The following AOAH variants were observed in gnomAD, a reference collection of about 807,000 sequenced individuals.
AOAH encodes the protein acyloxyacyl hydrolase (neutrophil).
AOAH carries 64 observed loss-of-function variants against 92.2 expected under a neutral mutation model. The ratio of observed to expected loss-of-function variants is 0.69; its 90% CI spans 0.57 to 0.86. AOAH has a LOEUF of 0.86. AOAH is among the 40% of genes least tolerant of loss of function. AOAH has a pLI of 0.00. For missense variants in AOAH, 656 were observed against 694.6 expected, an observed-to-expected ratio of 0.94 and a Z score of 0.62; for synonymous variants, 263 against 254.5, an observed-to-expected ratio of 1.03 and a Z score of -0.32.
chr7:36,630,210 G>C (rs1051152139), intron 6 of AOAH, among the ~76,000 whole-genome samples: 1 of 152,182 alleles, frequency 6.6e-6, no homozygotes, highest in Non-Finnish European at 1.5e-5. Flanking sequence ...AACTGAGAGA[G>C]AATTAATTTC....
intron 6 of AOAH, among the ~76,000 whole-genome samples, chr7:36,624,269 G>A (rs1180958763): frequency 6.6e-6 from 1 of 152,194 alleles, no homozygotes; most frequent in African/African-American, 2.4e-5. Flanking sequence ...GCAAGATGAG[G>A]CTTTCTTTGG....
chr7:36,526,881 G>A (rs1784421630), intron 19 of AOAH, among the ~76,000 whole-genome samples: 1 of 152,176 alleles, frequency 6.6e-6, no homozygotes, highest in African/African-American at 2.4e-5. Context: ...AAAGTCATTG[G>A]CTGATTTTAC....
intron 20 of AOAH, among the ~76,000 whole-genome samples, chr7:36,515,358 ACACACACAC>A (rs1783569125): frequency 8.6e-5 from 4 of 46,758 alleles, no homozygotes; most frequent in Admixed American, 3.0e-4. Flanking sequence ...ACACACCCCC[ACACACACAC>A]CACACACACC....
At chr7:36,711,673 G>A (rs1798776986) in intron 1 of AOAH, among the ~76,000 whole-genome samples, 1 of 152,206 alleles carries the variant, frequency 6.6e-6, no homozygotes, top group Non-Finnish European at 1.5e-5. Flanking sequence ...ACGGTAAAGG[G>A]CACGTGCAGA....
chr7:36,563,481 C>A lies in AOAH; in HGVS notation c.1021+13093G>T, dbSNP rs1225015455. Among the ~76,000 whole-genome samples, 5 of 152,130 alleles carry A rather than the reference C, an allele frequency of 3.3e-5. No homozygotes were observed. In the South Asian group the frequency reaches 8.3e-4, roughly 25 times the overall value. ...TGGTGGCCCTAATTCTGATTTTCTT[C>A]TTCACTTGGCCTGCTATTTAATTTC... On this transcript the variant is annotated intron_variant, in intron 13 of 20. Transcript: ENST00000617537.
At chr7:36,672,585 A>G (rs1246722419) in intron 3 of AOAH, among the ~76,000 whole-genome samples, 1 of 152,162 alleles carries the variant, frequency 6.6e-6, no homozygotes, top group Non-Finnish European at 1.5e-5. Context: ...ACACATGGAC[A>G]CAGGGAGGGG....
rs529965966 is a variant in AOAH at position 36,566,628 on chromosome 7, T to C, written c.1021+9946A>G. ...GCACCAGGGAAAAGCCAGCTCCCAA[T>C]AGATAGAAAACACCTGAAGCTGGTG... On this transcript the variant is annotated intron_variant, in intron 13 of 20. Coordinates refer to ENST00000617537, the MANE Select transcript of AOAH (RefSeq NM_001637.4). Among the ~76,000 whole-genome samples the C allele has an allele frequency of 4.6e-5, 7 of 152,148 alleles. No homozygotes were observed. The East Asian group carries it at 1.4e-3, about 29-fold the overall frequency.
chr7:36,530,299 C>T, intron 19 of AOAH, 119 bp downstream of exon 19: 1 of 672,270 alleles, frequency 1.5e-6, no homozygotes, highest in South Asian at 1.8e-5. Flanking sequence ...TCAGAATAGG[C>T]AGGAGTAACC....
At position 36,620,657 on chromosome 7, in the gene AOAH, C is replaced by A. The variant is rs2727820; in HGVS notation, c.702+124G>T. ...GATTCTATACCCCTCTTCTAAGCAGCAGGAAAAGAGTTGCTTTAGGCTGTC... is the reference window on the plus strand; with the variant it reads ...GATTCTATACCCCTCTTCTAAGCAGAAGGAAAAGAGTTGCTTTAGGCTGTC... On this transcript the variant is annotated intron_variant, in intron 9 of 20. Transcript: ENST00000617537. The A allele has an allele frequency of 2.9e-3, 2,393 of 822,534 alleles. 49 individuals are homozygous for A. The African/African-American group carries it at 0.036, about 12-fold the overall frequency. The allele number at this position is 822,534 out of a possible 1,614,324, so 51.0% of individuals were successfully genotyped here.
rs774886556 is a variant in AOAH, at chr7:36,532,344, C to A, written c.1307G>T (p.Gly436Val). 3.7e-5 allele frequency: 60 copies of A among 1,613,558 alleles called. No individual in the cohort carries two copies. Among genetic ancestry groups the A allele is most frequent in the Non-Finnish European group, 5.1e-5 (60 of 1,180,020 alleles). ...ATAGGTCATGTCTTTATTTAGCTGGCCTGGAAAACAGAGAGGTCTGGTAGA... is the reference window on the plus strand; with the variant it reads ...ATAGGTCATGTCTTTATTTAGCTGGACTGGAAAACAGAGAGGTCTGGTAGA... Reference protein sequence around the residue: ...DNLHNRYHPLGQLNKDMTYAQ... With the variant: ...DNLHNRYHPLVQLNKDMTYAQ... Residue 436 changes from glycine to valine, a missense_variant and splice_region_variant, in exon 17 of 21, where the codon GGC (glycine) becomes GTC (valine). Physicochemically the swap from Gly to Val is moderately radical, Grantham distance 109 (BLOSUM62 -3). Transcript: ENST00000617537.
chr7:36,526,540 G>C (rs1474510681), intron 19 of AOAH, among the ~76,000 whole-genome samples: 1 of 152,160 alleles, frequency 6.6e-6, no homozygotes, highest in Non-Finnish European at 1.5e-5. Flanking sequence ...AAGATAACAT[G>C]GTAAGTTGGT....
intron 15 of AOAH, among the ~76,000 whole-genome samples, chr7:36,542,004 T>C (rs1197357373): frequency 6.6e-6 from 1 of 152,174 alleles, no homozygotes; most frequent in Non-Finnish European, 1.5e-5. Flanking sequence ...CTAATGATAG[T>C]GGGTTAAATA....
At chr7:36,513,492 C>T (rs928605707) in intron 20 of AOAH, 112 bp from the exon 21 acceptor site, 5 of 1,014,834 alleles carry the variant, frequency 4.9e-6, no homozygotes, top group South Asian at 3.1e-5. Context: ...GGCCCCATGA[C>T]TCCCACCCCC....
At chr7:36,548,019 A>G (rs1342765749) in intron 15 of AOAH, among the ~76,000 whole-genome samples, 1 of 152,148 alleles carries the variant, frequency 6.6e-6, no homozygotes, top group East Asian at 1.9e-4. Flanking sequence ...AAAAAAAATC[A>G]CAATTCCCAA....
rs1791710508 is a variant in AOAH at position 36,614,463 on chromosome 7, G to C, written c.846+1917C>G. 6.6e-6 allele frequency among the ~76,000 whole-genome samples: 1 copy of C among 151,998 alleles called. No individual in the cohort carries two copies. The highest frequency in any genetic ancestry group is 1.5e-5 in the Non-Finnish European group (1 of 68,014). On this transcript the variant is annotated intron_variant, in intron 11 of 20. Transcript: ENST00000617537. The surrounding 1 kb of genome is among the most constrained non-coding windows in gnomAD (Gnocchi z 4.2). Reference sequence around the variant, plus strand: ...TTTTGAATTTGTGTTTGTTATGTGAGTGAAGTCCAGTGGGCCAACTGAGCA... The same window carrying C: ...TTTTGAATTTGTGTTTGTTATGTGACTGAAGTCCAGTGGGCCAACTGAGCA...
rs192643570 is a variant in AOAH at position 36,516,618 on chromosome 7, G to C, written c.1600-3238C>G. On this transcript the variant is annotated intron_variant, in intron 20 of 20. Transcript: ENST00000617537. The surrounding 1 kb of genome is among the most constrained non-coding windows in gnomAD (Gnocchi z 5.0). Reference sequence around the variant, plus strand: ...GATCATCTCTCACACAAAGTGATCAGGACCTTTGAAGACAGAGGCCCGGGC... The same window carrying C: ...GATCATCTCTCACACAAAGTGATCACGACCTTTGAAGACAGAGGCCCGGGC... 4.2e-4 allele frequency among the ~76,000 whole-genome samples: 64 copies of C among 152,344 alleles called. No individual in the cohort carries two copies. The highest frequency in any genetic ancestry group is 7.1e-4 in the Non-Finnish European group (48 of 68,034).
chr7:36,694,585 C>A (rs1328115594), intron 1 of AOAH, among the ~76,000 whole-genome samples: 1 of 152,054 alleles, frequency 6.6e-6, no homozygotes, highest in African/African-American at 2.4e-5. Flanking sequence ...AAAAAAAATC[C>A]TTTATCTTAA....
intron 1 of AOAH, among the ~76,000 whole-genome samples, chr7:36,714,821 C>T (rs1049917663): frequency 1.1e-4 from 17 of 152,238 alleles, no homozygotes; most frequent in South Asian, 4.2e-4. Context: ...ATTGATGGGA[C>T]GTATCTCAAA....
chr7:36,709,564 C>A (rs994112676), intron 1 of AOAH, among the ~76,000 whole-genome samples: 12 of 152,266 alleles, frequency 7.9e-5, no homozygotes, highest in Admixed American at 4.6e-4. Flanking sequence ...CGATCATCAT[C>A]AGAATTCTCT....
Sources: gnomAD v4.1 joint callset for allele counts (sites outside exome capture counted in the v4.1 genomes callset) on GRCh38, gnomAD v4.1.1 for gene constraint, Gnocchi (gnomAD v3.1) non-coding constraint, MANE v1.5 for transcripts, NCBI Gene and HGNC (gene_info 2026-07-23, HGNC 2026-07-21) for gene names.